The following CYLD variants were observed in gnomAD, a reference collection of about 807,000 sequenced individuals.
CYLD encodes the protein CYLD lysine 63 deubiquitinase.
Under a neutral mutation model 104.5 loss-of-function variants are expected in CYLD, and 26 were observed. The ratio of observed to expected loss-of-function variants is 0.25; its 90% CI spans 0.18 to 0.35. The LOEUF is 0.35. CYLD is among the 10% of genes least tolerant of loss of function. CYLD has a pLI of 1.00. For missense variants in CYLD, 703 were observed against 1,136.1 expected (o/e 0.62, Z 5.48); for synonymous variants, 385 against 399.9 (o/e 0.96, Z 0.45).
intron 5 of CYLD, among the ~76,000 whole-genome samples, chr16:50,771,414 G>A (rs1014101084): frequency 1.3e-5 from 2 of 152,102 alleles, no homozygotes; most frequent in Non-Finnish European, 2.9e-5. Context: ...TTTTTCAGTC[G>A]ATGGACGTCA....
In CYLD at chr16:50,799,356, A is replaced by G. The variant is rs1972303099; in HGVS notation, c.*2848A>G. The G allele has an allele frequency of 4.3e-6, 1 of 233,630 alleles. No homozygotes were observed. The highest frequency in any genetic ancestry group is 6.0e-5 in the East Asian group (1 of 16,702). 14.5% of individuals were successfully genotyped at this position (233,630 alleles called of 1,614,324 possible). Reference sequence around the variant, plus strand: ...GAGAGTGGGGAAGGAGAGCAGTGTTATCATACATAGAGAGGCTAAATGTGT... The same window carrying G: ...GAGAGTGGGGAAGGAGAGCAGTGTTGTCATACATAGAGAGGCTAAATGTGT... On this transcript the variant is annotated 3_prime_UTR_variant, in exon 19 of 19. Coordinates refer to ENST00000427738, the MANE Select transcript of CYLD (RefSeq NM_001378743.1).
chr16:50,792,758 A>C, intron 16 of CYLD, 53 bp downstream of exon 16: 1 of 966,972 alleles, frequency 1.0e-6, no homozygotes, highest in Non-Finnish European at 1.6e-6. Context: ...AAATTGTCAG[A>C]TAATTCTCAT....
chr16:50,751,662 A>T lies in CYLD; in HGVS notation c.563A>T (p.Gln188Leu). The change falls in exon 4 of 19, where the codon CAG becomes CTG. Residue 188 changes from glutamine to leucine, a missense_variant. Coordinates refer to ENST00000427738, the MANE Select transcript of CYLD (RefSeq NM_001378743.1). ...DGVYQGKQLF[Q>L]CDEDCGVFVA... is the part of the protein sequence containing the mutation. Reference sequence around the variant, plus strand: ...GTGTACCAAGGGAAACAGCTTTTTCAGTGTGATGAAGATTGTGGCGTGTTT... The same window carrying T: ...GTGTACCAAGGGAAACAGCTTTTTCTGTGTGATGAAGATTGTGGCGTGTTT... The T allele has an allele frequency of 6.2e-7, 1 of 1,613,776 alleles. No homozygotes were observed. Among genetic ancestry groups the T allele is most frequent in the East Asian group, 2.2e-5 (1 of 44,858 alleles).
At chr16:50,786,328 C>CACTAAGA (rs1970813299) in intron 12 of CYLD, 1 of 153,266 alleles carries the variant, frequency 6.5e-6, no homozygotes, top group Non-Finnish European at 1.5e-5. Context: ...ATGACAGTTA[C>CACTAAGA]TTGTAGAGCA....
At chr16:50,783,071 T>C (rs980637166) in intron 11 of CYLD, among the ~76,000 whole-genome samples, 1 of 151,864 alleles carries the variant, frequency 6.6e-6, no homozygotes, top group African/African-American at 2.4e-5. Context: ...ATTACAGGTG[T>C]GAACCACCAC....
intron 9 of CYLD, 43 bp from the exon 10 acceptor site, chr16:50,781,203 T>G: frequency 1.2e-6 from 2 of 1,611,156 alleles, no homozygotes; most frequent in Non-Finnish European, 1.7e-6. Context: ...ATACTATCTC[T>G]GTAAGGCACG....
chr16:50,796,210 T>C, intron 18 of CYLD, 114 bp from the exon 19 acceptor site: 1 of 983,540 alleles, frequency 1.0e-6, no homozygotes, highest in Non-Finnish European at 1.5e-6. Flanking sequence ...AGAAGTAAAA[T>C]AAAGGCTTTT....
chr16:50,763,248 C>A (rs933298398), intron 5 of CYLD, among the ~76,000 whole-genome samples: 6 of 152,174 alleles, frequency 3.9e-5, no homozygotes, highest in African/African-American at 1.4e-4. Flanking sequence ...ATGGACACAT[C>A]ACATGTTGTT....
intron 11 of CYLD, chr16:50,784,080 C>G (rs1313249606): frequency 2.3e-6 from 1 of 433,294 alleles, no homozygotes; most frequent in East Asian, 4.8e-5. Context: ...TCCTTTAACA[C>G]TGCCAATCTG....
At chr16:50,755,120 T>A (rs12934724) in intron 5 of CYLD, among the ~76,000 whole-genome samples, 1 of 36,158 alleles carries the variant, frequency 2.8e-5, no homozygotes, top group East Asian at 3.4e-4. Context: ...CATATACACA[T>A]GTGTATATAT....
At chr16:50,760,056 T>C (rs1183568300) in intron 5 of CYLD, among the ~76,000 whole-genome samples, 1 of 152,240 alleles carries the variant, frequency 6.6e-6, no homozygotes, top group Non-Finnish European at 1.5e-5. Flanking sequence ...AATCAACATC[T>C]TACTTGCTTT....
In CYLD at chr16:50,786,960, CTT is replaced by C; in HGVS notation, c.2041+15_2041+16del. ...CTGAAGAAAAAGGTGACCATCTTAA[CTT>C]ATATGCGTTAAAAATAACTGAAGAG... On this transcript the variant is annotated intron_variant, in intron 13 of 18. Coordinates refer to ENST00000427738, the MANE Select transcript of CYLD (RefSeq NM_001378743.1). The C allele has an allele frequency of 1.3e-6, 2 of 1,589,280 alleles. No homozygotes were observed. The highest frequency in any genetic ancestry group is 8.6e-7 in the Non-Finnish European group (1 of 1,157,434).
At chr16:50,774,961 G>C (rs1038914083) in intron 5 of CYLD, among the ~76,000 whole-genome samples, 7 of 152,136 alleles carry the variant, frequency 4.6e-5, no homozygotes, top group African/African-American at 1.7e-4. Flanking sequence ...ATTATGAGAT[G>C]TTTAAGATAT....
intron 8 of CYLD, among the ~76,000 whole-genome samples, chr16:50,778,681 C>T (rs1969918697): frequency 6.6e-6 from 1 of 152,074 alleles, no homozygotes; most frequent in Non-Finnish European, 1.5e-5. Flanking sequence ...TAGTGTTTGC[C>T]AGGGACTAGA....
chr16:50,770,754 G>C (rs981666986), intron 5 of CYLD, among the ~76,000 whole-genome samples: 1 of 152,018 alleles, frequency 6.6e-6, no homozygotes, highest in Non-Finnish European at 1.5e-5. Context: ...CCCAGCCTTC[G>C]TATATATTCT....
chr16:50,766,223 C>A (rs979138905), intron 5 of CYLD, among the ~76,000 whole-genome samples: 2 of 152,116 alleles, frequency 1.3e-5, no homozygotes, highest in African/African-American at 4.8e-5. Context: ...CTGAAAATCC[C>A]AAAATCCTTA....
intron 5 of CYLD, among the ~76,000 whole-genome samples, chr16:50,763,869 A>G (rs1016918968): frequency 6.6e-6 from 1 of 152,150 alleles, no homozygotes; most frequent in African/African-American, 2.4e-5. Context: ...GATGTTTGCT[A>G]TAGAGTTTTA....
At chr16:50,792,981 A>G (rs1318601214) in intron 16 of CYLD, among the ~76,000 whole-genome samples, 3 of 152,202 alleles carry the variant, frequency 2.0e-5, no homozygotes, top group Non-Finnish European at 2.9e-5. Context: ...GAATGGTTAA[A>G]TGAGTGTGTA....
chr16:50,800,359 T>C lies in CYLD; in HGVS notation c.*3851T>C, dbSNP rs930910588. 8 of 233,228 alleles carry C rather than the reference T, an allele frequency of 3.4e-5. No individual in the cohort carries two copies. Among genetic ancestry groups the C allele is most frequent in the Non-Finnish European group, 6.8e-5 (8 of 118,010 alleles). The allele number at this position is 233,228 out of a possible 1,614,324, so 14.4% of individuals were successfully genotyped here. On this transcript the variant is annotated 3_prime_UTR_variant, in exon 19 of 19. Transcript: ENST00000427738. ...AAAGCTTCCTTCACTTTTTGTGATTTTGTGGTCATGTAACGTTACTGTATT... is the reference window on the plus strand; with the variant it reads ...AAAGCTTCCTTCACTTTTTGTGATTCTGTGGTCATGTAACGTTACTGTATT...
Sources: gnomAD v4.1 joint callset for allele counts (sites outside exome capture counted in the v4.1 genomes callset) on GRCh38, gnomAD v4.1.1 for gene constraint, MANE v1.5 for transcripts, NCBI Gene and HGNC (gene_info 2026-07-23, HGNC 2026-07-21) for gene names.